Variants in FBXO34 observed in about 807,000 individuals in gnomAD.
FBXO34 encodes F-box only protein 34.
In FBXO34, 12 loss-of-function variants were observed where a neutral mutation model predicts 24.5. The ratio of observed to expected loss-of-function variants is 0.49; its 90% CI spans 0.31 to 0.79. The LOEUF (loss-of-function observed/expected upper bound fraction) is 0.79. FBXO34 is among the 30% of genes least tolerant of loss of function. The probability of loss-of-function intolerance (pLI) is 0.04; values close to 1 mark genes in which losing one functional copy is unlikely to be tolerated. For missense variants in FBXO34, 823 were observed against 857.7 expected (o/e 0.96, Z 0.51); for synonymous variants, 320 against 311.9 (o/e 1.03, Z -0.27).
Position 55,352,354 on chromosome 14 carries a change from G to T in FBXO34, c.1964G>T (p.Cys655Phe), listed in dbSNP as rs1397087687. 2 of 1,614,218 alleles carry T rather than the reference G, an allele frequency of 1.2e-6. No individual in the cohort carries two copies. The highest frequency in any genetic ancestry group is 1.7e-5 in the Admixed American group (1 of 60,028). ...TGCCGATGGCACCCCAAGCCCTATT[G>T]CCAGGCATTGCCCTATGGGCCAGGG... ...SLCRWHPKPYCQALPYGPGYW... is the reference protein window; with the variant it reads ...SLCRWHPKPYFQALPYGPGYW... The change falls in exon 2 of 2, where the codon TGC becomes TTC. Residue 655 changes from cysteine to phenylalanine, a missense_variant. Physicochemically the swap from Cys to Phe is radical, Grantham distance 205 (BLOSUM62 -2). Transcript: ENST00000313833.
intron 1 of FBXO34, among the ~76,000 whole-genome samples, chr14:55,332,095 TATTTAAATATATATATAA>T (rs1036717248): frequency 2.0e-5 from 3 of 146,682 alleles, no homozygotes; most frequent in Non-Finnish European, 4.5e-5. Context: ...TATATATATA[TATTTAAATATATATATAA>T]ATTTAATATA....
intron 1 of FBXO34, among the ~76,000 whole-genome samples, chr14:55,333,157 G>A (rs115521103): frequency 1.3e-5 from 2 of 152,300 alleles, no homozygotes; most frequent in South Asian, 4.1e-4. Context: ...AATCCCAGCA[G>A]TCTGTGGTTA....
chr14:55,433,719 C>T, the FBXO34 span: 1 of 1,613,604 alleles, frequency 6.2e-7, no homozygotes, highest in Non-Finnish European at 8.5e-7. Flanking sequence ...CAGCAGCAAA[C>T]CTCTATACCC....
chr14:55,404,215 G>T, the FBXO34 span, among the ~76,000 whole-genome samples: 1 of 152,146 alleles, frequency 6.6e-6, no homozygotes, highest in Non-Finnish European at 1.5e-5. Context: ...TATTTTAAAG[G>T]ATTAAAGTAG....
the FBXO34 span, among the ~76,000 whole-genome samples, chr14:55,416,660 CTTTAG>C: frequency 6.6e-6 from 1 of 152,134 alleles, no homozygotes; most frequent in Admixed American, 6.5e-5. Flanking sequence ...AAACCAAACT[CTTTAG>C]AAACTAAACA....
At chr14:55,316,182 T>C (rs928707484) in intron 1 of FBXO34, among the ~76,000 whole-genome samples, 7 of 152,178 alleles carry the variant, frequency 4.6e-5, no homozygotes, top group Admixed American at 2.6e-4. Context: ...GATTTCTTTT[T>C]CTCCAGAGGT....
At chr14:55,424,297 G>T in the FBXO34 span, 1 of 1,296,516 alleles carries the variant, frequency 7.7e-7, no homozygotes, top group Non-Finnish European at 1.1e-6. Flanking sequence ...GCACTATTCA[G>T]CTCCTTTCCC....
the FBXO34 span, chr14:55,440,600 G>C: frequency 3.3e-6 from 5 of 1,514,502 alleles, no homozygotes; most frequent in African/African-American, 2.8e-5. Flanking sequence ...TTCCTGCAGA[G>C]GGCGCGAGAG....
intron 1 of FBXO34, among the ~76,000 whole-genome samples, chr14:55,325,339 T>C (rs1283940623): frequency 6.6e-6 from 1 of 152,208 alleles, no homozygotes; most frequent in East Asian, 1.9e-4. Context: ...GATTTGTGTG[T>C]TTATGGGCAA....
chr14:55,276,375 G>A (rs1881342540), intron 1 of FBXO34, among the ~76,000 whole-genome samples: 1 of 152,026 alleles, frequency 6.6e-6, no homozygotes, highest in African/African-American at 2.4e-5. Context: ...TTGCTTTATT[G>A]CCTATCTATC....
the FBXO34 span, among the ~76,000 whole-genome samples, chr14:55,420,877 G>A: frequency 6.6e-6 from 1 of 152,006 alleles, no homozygotes; most frequent in African/African-American, 2.4e-5. Flanking sequence ...GGCCAACACG[G>A]TGAAACCCCG....
At chr14:55,321,163 G>GT (rs1883120361) in intron 1 of FBXO34, among the ~76,000 whole-genome samples, 8 of 123,820 alleles carry the variant, frequency 6.5e-5, no homozygotes, top group Non-Finnish European at 9.1e-5. Context: ...TGATATGGGC[G>GT]GTTTTTTTTT....
At chr14:55,338,466 A>C (rs912881737) in intron 1 of FBXO34, among the ~76,000 whole-genome samples, 2 of 151,952 alleles carry the variant, frequency 1.3e-5, no homozygotes, top group Non-Finnish European at 2.9e-5. Context: ...TTGGGGTTTT[A>C]TGGGTATTTT....
downstream of FBXO34, among the ~76,000 whole-genome samples, chr14:55,371,389 G>A (rs1025167544): frequency 1.3e-5 from 2 of 152,130 alleles, no homozygotes; most frequent in Non-Finnish European, 2.9e-5. Context: ...GTGCTTCCCA[G>A]ATGGATTAAG....
intron 1 of FBXO34, among the ~76,000 whole-genome samples, chr14:55,296,429 T>C (rs1005308931): frequency 7.4e-6 from 1 of 135,534 alleles, no homozygotes; most frequent in Non-Finnish European, 1.5e-5. Context: ...ACAGTCTCGC[T>C]CTGTCGCCCA....
At chr14:55,369,479 T>G (rs927406807), downstream of FBXO34, 6 of 829,232 alleles carry the variant, frequency 7.2e-6, no homozygotes, top group Non-Finnish European at 1.0e-5. Flanking sequence ...TTTGTCTCCC[T>G]GCTTAAAAAG....
At chr14:55,380,700 G>A in the FBXO34 span, 1 of 1,559,106 alleles carries the variant, frequency 6.4e-7, no homozygotes, top group South Asian at 1.2e-5. Context: ...TCTGCAGTAA[G>A]AAAACAACCA....
At chr14:55,391,101 G>A in the FBXO34 span, 1 of 693,704 alleles carries the variant, frequency 1.4e-6, no homozygotes, top group Non-Finnish European at 2.4e-6. Flanking sequence ...ACATAATGAA[G>A]AAAAAGACCT....
At chr14:55,335,769 A>G (rs1883754253) in intron 1 of FBXO34, among the ~76,000 whole-genome samples, 1 of 152,208 alleles carries the variant, frequency 6.6e-6, no homozygotes, top group Non-Finnish European at 1.5e-5. Flanking sequence ...AATGGGAATA[A>G]TTATTATATC....
Sources: allele counts gnomAD v4.1 joint callset (sites outside exome capture counted in the v4.1 genomes callset), GRCh38; gene constraint gnomAD v4.1.1; transcripts MANE v1.5; gene names NCBI Gene and HGNC (gene_info 2026-07-23, HGNC 2026-07-21).